The following GSTCD variants were observed in gnomAD, a reference collection of about 807,000 sequenced individuals.
GSTCD encodes the protein glutathione S-transferase C-terminal domain containing, also known as glutathione S-transferase C-terminal domain-containing protein.
In GSTCD, 44 loss-of-function variants were observed where a neutral mutation model predicts 68.3. That is an observed-to-expected ratio of 0.64 (90% CI 0.51 to 0.83). GSTCD has a LOEUF of 0.83. Among genes scored for constraint, GSTCD ranks in the 40% least tolerant of loss-of-function variants. The pLI is 0.00. For synonymous variants in GSTCD, 273 were observed against 255.2 expected, an observed-to-expected ratio of 1.07 and a Z score of -0.67; for missense variants, 739 against 735.9, an observed-to-expected ratio of 1.00 and a Z score of -0.05.
chr4:105,719,002 TA>T (rs1188950772), intron 2 of GSTCD, 57 bp from the exon 3 acceptor site: 10 of 1,328,360 alleles, frequency 7.5e-6, no homozygotes, highest in Non-Finnish European at 1.0e-5. Context: ...TTATTTTTTC[TA>T]AAGTTATATT....
At chr4:105,800,041 T>G (rs1225471937) in intron 5 of GSTCD, among the ~76,000 whole-genome samples, 1 of 152,142 alleles carries the variant, frequency 6.6e-6, no homozygotes, top group Non-Finnish European at 1.5e-5. Context: ...ATTAAATCCT[T>G]TTATTGTACT....
rs1049690230 is a variant in GSTCD at position 105,741,985 on chromosome 4, C to A, written c.1240+12486C>A. 2.0e-5 allele frequency among the ~76,000 whole-genome samples: 3 copies of A among 152,146 alleles called. No homozygotes were observed. The South Asian group carries it at 6.2e-4, about 32-fold the overall frequency. ...TATGGAGGATCACTGTGAAAACATT[C>A]TCAAGATTCATGTTTCTGTACTGTC... On this transcript the variant is annotated intron_variant, in intron 5 of 11. Coordinates refer to ENST00000515279, the MANE Select transcript of GSTCD (RefSeq NM_001370181.1).
chr4:105,736,323 A>G (rs1315559496), intron 5 of GSTCD, among the ~76,000 whole-genome samples: 1 of 152,064 alleles, frequency 6.6e-6, no homozygotes, highest in Admixed American at 6.6e-5. Flanking sequence ...ATCTGTGGTA[A>G]TCTTGTGGGG....
At chr4:105,770,370 T>C (rs201813133) in intron 5 of GSTCD, among the ~76,000 whole-genome samples, 56 of 141,024 alleles carry the variant, frequency 4.0e-4, no homozygotes, top group Non-Finnish European at 5.4e-4. Flanking sequence ...TTTTTTTTTT[T>C]CCTTTTTTTT....
Position 105,800,964 on chromosome 4 carries a change from T to C in GSTCD, c.1241-21990T>C, listed in dbSNP as rs965882189. On this transcript the variant is annotated intron_variant, in intron 5 of 11. Transcript: ENST00000515279. ...ATAATGCATGCCTGAACAAACCTTA[T>C]CTAACATAAATTTTCTCTATAAGGC... Among the ~76,000 whole-genome samples, 4 of 152,158 alleles carry C rather than the reference T, an allele frequency of 2.6e-5. No homozygotes were observed. The East Asian group carries it at 7.7e-4, about 29-fold the overall frequency.
intron 5 of GSTCD, among the ~76,000 whole-genome samples, chr4:105,795,682 C>T (rs1735857247): frequency 6.6e-6 from 1 of 152,142 alleles, no homozygotes; most frequent in Admixed American, 6.5e-5. Context: ...CCTTCACATA[C>T]ATTTAGGGAG....
intron 5 of GSTCD, among the ~76,000 whole-genome samples, chr4:105,770,608 T>C (rs1422978549): frequency 6.6e-6 from 1 of 152,016 alleles, no homozygotes; most frequent in East Asian, 1.9e-4. Context: ...CACTTATGAG[T>C]GAGAATATGC....
At position 105,717,706 on chromosome 4, in the gene GSTCD, A is replaced by G. The variant is rs1200596867; in HGVS notation, c.93A>G (p.Thr31=). 3.7e-6 allele frequency: 6 copies of G among 1,613,226 alleles called. No homozygotes were observed. The highest frequency in any genetic ancestry group is 5.1e-6 in the Non-Finnish European group (6 of 1,179,280). The change falls in exon 2 of 12, where the codon ACA becomes ACG. Residue 31 remains threonine, a synonymous_variant. Coordinates refer to ENST00000515279, the MANE Select transcript of GSTCD (RefSeq NM_001370181.1). ...QTEGCIFPLH[T]SVTLFLLSYC... ...AAGGATGCATCTTTCCTCTTCATAC[A>G]TCTGTAACTTTATTTCTGTTATCTT...
At chr4:105,831,012 C>A (rs762421279) in intron 8 of GSTCD, among the ~76,000 whole-genome samples, 8 of 152,014 alleles carry the variant, frequency 5.3e-5, no homozygotes, top group Non-Finnish European at 8.8e-5. Context: ...GGAAGTAAAC[C>A]AATGAGTTGA....
intron 5 of GSTCD, among the ~76,000 whole-genome samples, chr4:105,756,685 G>A (rs942330175): frequency 3.3e-5 from 5 of 151,544 alleles, no homozygotes; most frequent in Non-Finnish European, 7.4e-5. Flanking sequence ...AGTAGCCAAC[G>A]CAGATCAACC....
intron 5 of GSTCD, among the ~76,000 whole-genome samples, chr4:105,735,316 G>C (rs946844260): frequency 1.3e-5 from 2 of 152,152 alleles, no homozygotes; most frequent in Admixed American, 6.5e-5. Context: ...GCTGCAGTGG[G>C]CTCCACCCAG....
At chr4:105,793,420 A>T (rs565459825) in intron 5 of GSTCD, among the ~76,000 whole-genome samples, 1,581 of 139,880 alleles carry the variant, frequency 0.011, 44 homozygotes, top group African/African-American at 0.044. Flanking sequence ...TTTTTTTTTT[A>T]AAAAAAATCT....
At chr4:105,778,798 T>A (rs1479933818) in intron 5 of GSTCD, among the ~76,000 whole-genome samples, 1 of 152,150 alleles carries the variant, frequency 6.6e-6, no homozygotes, top group Non-Finnish European at 1.5e-5. Flanking sequence ...TTTCCAGACA[T>A]ATGAAAGTTA....
At chr4:105,813,231 G>A (rs528249764) in intron 5 of GSTCD, among the ~76,000 whole-genome samples, 31 of 152,210 alleles carry the variant, frequency 2.0e-4, no homozygotes, top group Non-Finnish European at 3.4e-4. Flanking sequence ...TTAGCACATC[G>A]TAATCATTCA....
chr4:105,730,452 G>A (rs1368394903), intron 5 of GSTCD, among the ~76,000 whole-genome samples: 1 of 152,190 alleles, frequency 6.6e-6, no homozygotes, highest in Non-Finnish European at 1.5e-5. Context: ...GTGTGAGATG[G>A]TATCTCATTG....
At chr4:105,819,809 C>T (rs188682992) in intron 5 of GSTCD, among the ~76,000 whole-genome samples, 106 of 151,322 alleles carry the variant, frequency 7.0e-4, no homozygotes, top group Admixed American at 2.0e-3. Flanking sequence ...TTTGCTTTTG[C>T]TCTTGATTTT....
chr4:105,728,232 T>C (rs888382203), intron 4 of GSTCD, among the ~76,000 whole-genome samples: 1 of 152,148 alleles, frequency 6.6e-6, no homozygotes, highest in Non-Finnish European at 1.5e-5. Context: ...GATTGAACAA[T>C]TGTGAATATT....
intron 5 of GSTCD, chr4:105,820,489 A>C (rs1169608342): frequency 6.6e-6 from 1 of 151,888 alleles, no homozygotes; most frequent in Non-Finnish European, 1.5e-5. Context: ...AAAAATAGAA[A>C]GTAGGATTTG....
chr4:105,798,958 T>C (rs775922987), intron 5 of GSTCD, among the ~76,000 whole-genome samples: 16 of 152,220 alleles, frequency 1.1e-4, no homozygotes, highest in African/African-American at 1.4e-4. Flanking sequence ...TTTATCTACA[T>C]TGAAAAATCT....
Sources: gnomAD v4.1 joint callset for allele counts (sites outside exome capture counted in the v4.1 genomes callset) on GRCh38, gnomAD v4.1.1 for gene constraint, MANE v1.5 for transcripts, NCBI Gene and HGNC (gene_info 2026-07-23, HGNC 2026-07-21) for gene names.